Variants in ZFPM2 observed in about 807,000 individuals in gnomAD.
ZFPM2 encodes zinc finger protein, FOG family member 2, also known as zinc finger protein ZFPM2.
Under a neutral mutation model 98.6 loss-of-function variants are expected in ZFPM2, and 20 were observed. The observed-to-expected ratio is 0.20, with a 90% confidence interval of 0.14 to 0.29. ZFPM2 has a LOEUF of 0.29. ZFPM2 is among the 10% of genes least tolerant of loss of function. ZFPM2 has a pLI of 1.00. For synonymous variants in ZFPM2, 518 were observed against 502.7 expected, an observed-to-expected ratio of 1.03 and a Z score of -0.41; for missense variants, 1,310 against 1,388.6, an observed-to-expected ratio of 0.94 and a Z score of 0.90.
chr8:105,722,739 T>A (rs1362114653), intron 5 of ZFPM2, among the ~76,000 whole-genome samples: 1 of 151,658 alleles, frequency 6.6e-6, no homozygotes. Flanking sequence ...GGTCTTGCTG[T>A]CTCAGAGGTG....
At chr8:105,767,016 GAGACTTGGCGTCTATTGCTACAA>G in intron 5 of ZFPM2, among the ~76,000 whole-genome samples, 1 of 152,010 alleles carries the variant, frequency 6.6e-6, no homozygotes, top group Non-Finnish European at 1.5e-5. Context: ...TGCCATCAGT[GAGACTTGGCGTCTATTGCTACAA>G]CAGAGTAACT....
At chr8:105,466,232 C>T (rs1353740770) in intron 3 of ZFPM2, among the ~76,000 whole-genome samples, 1 of 151,938 alleles carries the variant, frequency 6.6e-6, no homozygotes, top group Non-Finnish European at 1.5e-5. Flanking sequence ...CATCTTTTCT[C>T]ATCCTTGGAA....
chr8:105,337,714 T>C (rs1485268979), intron 1 of ZFPM2, among the ~76,000 whole-genome samples: 1 of 151,104 alleles, frequency 6.6e-6, no homozygotes, highest in African/African-American at 2.4e-5. Flanking sequence ...AAAATTCTTT[T>C]TGGTCATAGT....
chr8:105,582,474 G>A (rs1445280455), intron 4 of ZFPM2, among the ~76,000 whole-genome samples: 1 of 152,158 alleles, frequency 6.6e-6, no homozygotes, highest in African/African-American at 2.4e-5. Context: ...GCAATGCACA[G>A]GATGGCTCTC....
intron 3 of ZFPM2, among the ~76,000 whole-genome samples, chr8:105,483,943 C>T (rs1265692637): frequency 6.6e-6 from 1 of 151,752 alleles, no homozygotes; most frequent in East Asian, 2.0e-4. Flanking sequence ...ACCGTGTTAT[C>T]CAGGATGGTC....
intron 5 of ZFPM2, among the ~76,000 whole-genome samples, chr8:105,716,745 G>A (rs1204535011): frequency 1.3e-5 from 2 of 151,972 alleles, no homozygotes; most frequent in Non-Finnish European, 2.9e-5. Context: ...AAGAATCAGA[G>A]TGATTTCCCA....
At chr8:105,527,828 G>A (rs1184389635) in intron 3 of ZFPM2, among the ~76,000 whole-genome samples, 1 of 152,158 alleles carries the variant, frequency 6.6e-6, no homozygotes, top group Non-Finnish European at 1.5e-5. Flanking sequence ...CATGAAGAAA[G>A]TGTGGCATCT....
chr8:105,325,270 CAATTA>C (rs1812094709), intron 1 of ZFPM2, among the ~76,000 whole-genome samples: 1 of 151,802 alleles, frequency 6.6e-6, no homozygotes, highest in South Asian at 2.1e-4. Flanking sequence ...AACTGAAATG[CAATTA>C]AATTAATAAG....
intron 3 of ZFPM2, among the ~76,000 whole-genome samples, chr8:105,550,922 T>C (rs112248156): frequency 0.015 from 2,352 of 152,300 alleles, 29 homozygotes; most frequent in Non-Finnish European, 0.023. Flanking sequence ...CAGTTATGTG[T>C]AACTTAAGAA....
chr8:105,681,466 G>A (rs1213557050), intron 5 of ZFPM2, among the ~76,000 whole-genome samples: 1 of 151,948 alleles, frequency 6.6e-6, no homozygotes, highest in Non-Finnish European at 1.5e-5. Context: ...ATAATAGTTT[G>A]TCTGTAGATT....
rs758898209 is a variant in ZFPM2 at position 105,784,436 on chromosome 8, G to A, written c.533-4282G>A. Among the ~76,000 whole-genome samples, 25 of 145,724 alleles carry A rather than the reference G, an allele frequency of 1.7e-4. 1 individual carries two copies. Among genetic ancestry groups the A allele is most frequent in the Non-Finnish European group, 2.2e-4 (15 of 68,000 alleles). ...ACAGATTTGTTCATTGAATTCATAG[G>A]TGTGCCTTTTCTTTCTGGTGAGATT... On this transcript the variant is annotated intron_variant, in intron 5 of 7. Coordinates refer to ENST00000407775, the MANE Select transcript of ZFPM2 (RefSeq NM_012082.4).
intron 1 of ZFPM2, among the ~76,000 whole-genome samples, chr8:105,330,955 T>C (rs1812221189): frequency 1.3e-5 from 2 of 151,046 alleles, no homozygotes; most frequent in South Asian, 4.2e-4. Flanking sequence ...ATTGCTTTGA[T>C]AGTATTTCAG....
intron 1 of ZFPM2, among the ~76,000 whole-genome samples, chr8:105,383,969 C>T (rs1563632899): frequency 1.3e-5 from 2 of 152,166 alleles, no homozygotes; most frequent in Non-Finnish European, 1.5e-5. Context: ...GAGAAGAAAG[C>T]TTCAAATATG....
chr8:105,640,440 C>G (rs1228974647), intron 5 of ZFPM2, among the ~76,000 whole-genome samples: 1 of 152,014 alleles, frequency 6.6e-6, no homozygotes, highest in East Asian at 1.9e-4. Flanking sequence ...GGCTGCACAG[C>G]AATCTCAAAA....
At chr8:105,730,772 TTTTC>T (rs1320981742) in intron 5 of ZFPM2, among the ~76,000 whole-genome samples, 6,553 of 129,540 alleles carry the variant, frequency 0.051, 409 homozygotes, top group African/African-American at 0.19. Flanking sequence ...ACTTTTTCTT[TTTTC>T]TTTTTTTTTT....
chr8:105,538,722 G>A (rs545366660), intron 3 of ZFPM2, among the ~76,000 whole-genome samples: 1 of 151,954 alleles, frequency 6.6e-6, no homozygotes, highest in East Asian at 1.9e-4. Context: ...TTAAAACAAT[G>A]AGATGGAGGC....
chr8:105,394,236 C>T (rs971808302), intron 1 of ZFPM2, among the ~76,000 whole-genome samples: 2 of 152,092 alleles, frequency 1.3e-5, no homozygotes, highest in Non-Finnish European at 1.5e-5. Context: ...TTGAGATGCT[C>T]CTGCAAGTGG....
intron 1 of ZFPM2, chr8:105,418,845 T>A: frequency 1.8e-6 from 1 of 543,492 alleles, no homozygotes; most frequent in Non-Finnish European, 3.5e-6. Context: ...AGTTTTGCTC[T>A]TAAAGAGCGA....
intron 1 of ZFPM2, chr8:105,387,606 G>C (rs537651844): frequency 1.3e-5 from 2 of 152,660 alleles, no homozygotes; most frequent in African/African-American, 4.8e-5. Context: ...TGGAGCCCAC[G>C]CCCACCCGGA....
Sources: allele counts gnomAD v4.1 joint callset (sites outside exome capture counted in the v4.1 genomes callset), GRCh38; gene constraint gnomAD v4.1.1; transcripts MANE v1.5; gene names NCBI Gene and HGNC (gene_info 2026-07-23, HGNC 2026-07-21).